Variants in ATP2C1 observed in about 807,000 individuals in gnomAD.
The protein encoded by ATP2C1 is ATPase secretory pathway Ca2+ transporting 1.
A neutral mutation model predicts 120.5 loss-of-function variants in ATP2C1; 31 were observed. The observed-to-expected ratio is 0.26, with a 90% CI of 0.19 to 0.35. The LOEUF is 0.35. Ranked by LOEUF, ATP2C1 falls within the 10% of genes least tolerant of loss-of-function variation. The pLI, the probability that ATP2C1 is intolerant of heterozygous loss-of-function variation, is 1.00. For synonymous variants in ATP2C1, 351 were observed against 358.7 expected, an observed-to-expected ratio of 0.98 and a Z score of 0.24; for missense variants, 731 against 1,107.5, an observed-to-expected ratio of 0.66 and a Z score of 4.83.
At chr3:130,979,449 GA>G in intron 19 of ATP2C1, 30 bp downstream of exon 19, 1 of 1,608,926 alleles carries the variant, frequency 6.2e-7, no homozygotes, top group East Asian at 2.2e-5. Flanking sequence ...TTTTGTTTTC[GA>G]TAGTTTTTCT....
At chr3:130,858,235 C>T (rs1363358745) in intron 1 of ATP2C1, among the ~76,000 whole-genome samples, 2 of 152,142 alleles carry the variant, frequency 1.3e-5, no homozygotes, top group Admixed American at 1.3e-4. Flanking sequence ...CTCATAGACA[C>T]ATCCAGGAAC....
At chr3:131,006,417 AT>A (rs967354578), downstream of ATP2C1, among the ~76,000 whole-genome samples, 2 of 151,970 alleles carry the variant, frequency 1.3e-5, no homozygotes, top group Non-Finnish European at 2.9e-5. Flanking sequence ...TGGCCTGTTT[AT>A]TTTTTTAAAT....
intron 1 of ATP2C1, among the ~76,000 whole-genome samples, chr3:130,864,653 G>T (rs1410051906): frequency 1.3e-5 from 2 of 152,214 alleles, no homozygotes; most frequent in Non-Finnish European, 2.9e-5. Context: ...GGTGCCCTGT[G>T]TTCCAGCCAT....
At chr3:130,991,078 T>C (rs370498900) in intron 20 of ATP2C1, among the ~76,000 whole-genome samples, 6 of 152,022 alleles carry the variant, frequency 3.9e-5, no homozygotes, top group Admixed American at 3.3e-4. Flanking sequence ...ACCTGAGGCG[T>C]AGGGAATTCT....
chr3:130,906,255 C>G (rs2058114955), intron 2 of ATP2C1, among the ~76,000 whole-genome samples: 1 of 152,020 alleles, frequency 6.6e-6, no homozygotes, highest in Admixed American at 6.6e-5. Flanking sequence ...TTTCGCTAGC[C>G]CCTGGTAACC....
intron 1 of ATP2C1, among the ~76,000 whole-genome samples, chr3:130,853,987 A>G (rs1406727969): frequency 5.3e-5 from 8 of 152,178 alleles, no homozygotes; most frequent in South Asian, 2.1e-4. Context: ...CCTTGTTCAC[A>G]TATGCTTTAT....
rs182707202 is a variant in ATP2C1, at chr3:130,981,327, A to G, written c.1839+648A>G. On this transcript the variant is annotated intron_variant, in intron 20 of 27. Coordinates refer to ENST00000510168, the MANE Select transcript of ATP2C1 (RefSeq NM_001378687.1). Reference sequence around the variant, plus strand: ...TGAGGCTTTTGAATCTGCTTCTTTCACTTAGCATAATGCATTTGACATTTA... The same window carrying G: ...TGAGGCTTTTGAATCTGCTTCTTTCGCTTAGCATAATGCATTTGACATTTA... Among the ~76,000 whole-genome samples, 129 of 152,232 alleles carry G rather than the reference A, an allele frequency of 8.5e-4. 2 individuals carry two copies. The highest frequency in any genetic ancestry group is 2.9e-4 in the Non-Finnish European group (20 of 68,010).
intron 17 of ATP2C1, among the ~76,000 whole-genome samples, chr3:130,973,864 G>A (rs2061433364): frequency 6.6e-6 from 1 of 151,986 alleles, no homozygotes; most frequent in Admixed American, 6.5e-5. Flanking sequence ...CAAATGTGAG[G>A]ATAGAAGAAA....
At chr3:130,921,927 T>G (rs1218470373) in intron 2 of ATP2C1, among the ~76,000 whole-genome samples, 1 of 152,176 alleles carries the variant, frequency 6.6e-6, no homozygotes, top group Non-Finnish European at 1.5e-5. Flanking sequence ...TAATTTTCTT[T>G]TTTTGTTATA....
chr3:130,923,338 T>TTCTCCA (rs2059052659), intron 2 of ATP2C1, among the ~76,000 whole-genome samples: 1 of 152,030 alleles, frequency 6.6e-6, no homozygotes, highest in African/African-American at 2.4e-5. Context: ...GCAATTCTCC[T>TTCTCCA]GCCTCAGCCT....
At chr3:130,871,787 G>C (rs926160466) in intron 1 of ATP2C1, among the ~76,000 whole-genome samples, 10 of 152,196 alleles carry the variant, frequency 6.6e-5, no homozygotes, top group Admixed American at 6.5e-4. Flanking sequence ...TTGGGAGGCA[G>C]AGGCCGGCGG....
intron 1 of ATP2C1, among the ~76,000 whole-genome samples, chr3:130,873,116 ATTAAAG>A: frequency 6.6e-6 from 1 of 152,352 alleles, no homozygotes; most frequent in African/African-American, 2.4e-5. Context: ...ATTAGGCACT[ATTAAAG>A]TTAAAGGGGG....
chr3:131,003,306 A>G (rs960057437), downstream of ATP2C1: 5 of 360,628 alleles, frequency 1.4e-5, no homozygotes, highest in African/African-American at 1.1e-4. Flanking sequence ...CCAGATTGCA[A>G]TTTTCCATAA....
At chr3:130,915,673 G>T (rs1280665318) in intron 2 of ATP2C1, among the ~76,000 whole-genome samples, 5 of 152,082 alleles carry the variant, frequency 3.3e-5, no homozygotes, top group African/African-American at 1.2e-4. Flanking sequence ...TCGGTTCAGG[G>T]TTGTCGCAAG....
intron 2 of ATP2C1, among the ~76,000 whole-genome samples, chr3:130,897,732 A>G (rs1454343481): frequency 5.3e-5 from 8 of 152,156 alleles, no homozygotes. Flanking sequence ...CCTAGGGCCC[A>G]TTTAAACTTT....
At chr3:130,866,574 A>T (rs996251811) in intron 1 of ATP2C1, among the ~76,000 whole-genome samples, 2 of 151,978 alleles carry the variant, frequency 1.3e-5, no homozygotes, top group African/African-American at 4.8e-5. Context: ...TGACAACTGT[A>T]GCTCCATTAT....
chr3:130,988,330 G>C (rs111980367), intron 20 of ATP2C1, among the ~76,000 whole-genome samples: 1 of 151,802 alleles, frequency 6.6e-6, no homozygotes, highest in Non-Finnish European at 1.5e-5. Flanking sequence ...TGTGAGTGCT[G>C]ACCACAAATG....
chr3:130,945,431 T>C (rs2060104686), intron 8 of ATP2C1, among the ~76,000 whole-genome samples: 1 of 152,092 alleles, frequency 6.6e-6, no homozygotes, highest in South Asian at 2.1e-4. Flanking sequence ...TTGTTACATA[T>C]GTATACAAGT....
At chr3:130,921,585 G>T (rs2058968731) in intron 2 of ATP2C1, among the ~76,000 whole-genome samples, 1 of 151,996 alleles carries the variant, frequency 6.6e-6, no homozygotes, top group African/African-American at 2.4e-5. Context: ...TGTTGGCTGT[G>T]GGCTTTTCAT....
Sources: allele counts gnomAD v4.1 joint callset (sites outside exome capture counted in the v4.1 genomes callset), GRCh38; gene constraint gnomAD v4.1.1; transcripts MANE v1.5; gene names NCBI Gene and HGNC (gene_info 2026-07-23, HGNC 2026-07-21).